Variants in PASD1 observed in about 807,000 individuals in gnomAD.
The protein encoded by PASD1 is PAS domain containing repressor 1, also known as circadian clock protein PASD1.
A neutral mutation model predicts 58.8 loss-of-function variants in PASD1; 13 were observed. The observed-to-expected ratio is 0.22, with a 90% CI of 0.14 to 0.35. PASD1 has a LOEUF of 0.35. PASD1 is among the 10% of genes least tolerant of loss of function. The pLI, the probability that PASD1 is intolerant of heterozygous loss-of-function variation, is 1.00. For missense variants in PASD1, 734 were observed against 568.3 expected (o/e 1.29, Z -2.96); for synonymous variants, 236 against 216.7 (o/e 1.09, Z -0.78).
At chrX:151,649,176 A>T (rs998357729) in intron 9 of PASD1, among the ~76,000 whole-genome samples, 7 of 111,903 alleles carry the variant, frequency 6.3e-5, no homozygotes, top group African/African-American at 2.3e-4. Context: ...ATCTGATGAA[A>T]CTCTAGACTG....
intron 1 of PASD1, among the ~76,000 whole-genome samples, chrX:151,572,372 A>C (rs1050647513): frequency 2.7e-5 from 3 of 111,550 alleles, no homozygotes; most frequent in Non-Finnish European, 5.6e-5. Context: ...AGTATTTGAA[A>C]TCACTGTAGA....
chrX:151,653,830 CCTTCCTTCCTTCCT>C (rs2014184710), intron 9 of PASD1, among the ~76,000 whole-genome samples: 1 of 27,246 alleles, frequency 3.7e-5, no homozygotes, highest in African/African-American at 8.5e-5. Context: ...TTCCTTCCTT[CCTTCCTTCCTTCCT>C]TCCCTCCCTC....
At chrX:151,582,106 C>T (rs4828627) in intron 1 of PASD1, among the ~76,000 whole-genome samples, 46,958 of 104,946 alleles carry the variant, frequency 0.45, 9,419 homozygotes, top group East Asian at 0.94. Flanking sequence ...CCTGCCTCAG[C>T]CTCCCGAATA....
intron 8 of PASD1, among the ~76,000 whole-genome samples, chrX:151,631,280 T>G (rs1310280635): frequency 9.0e-6 from 1 of 111,468 alleles, no homozygotes; most frequent in Non-Finnish European, 1.9e-5. Flanking sequence ...TCACCCAAAC[T>G]CACACAGCTG....
intron 1 of PASD1, among the ~76,000 whole-genome samples, chrX:151,569,634 A>G (rs2012898512): frequency 9.0e-6 from 1 of 111,347 alleles, no homozygotes; most frequent in African/African-American, 3.3e-5. Flanking sequence ...TTTGAAGTGT[A>G]TAGAACAGAG....
intron 1 of PASD1, among the ~76,000 whole-genome samples, chrX:151,575,625 G>A (rs764707093): frequency 7.2e-5 from 8 of 110,509 alleles, no homozygotes; most frequent in African/African-American, 2.6e-4. Flanking sequence ...TGTAAGTGGG[G>A]AAAATCTAAG....
intron 1 of PASD1, among the ~76,000 whole-genome samples, chrX:151,587,482 C>T (rs1400849917): frequency 9.0e-6 from 1 of 111,650 alleles, no homozygotes; most frequent in Non-Finnish European, 1.9e-5. Context: ...TGCACCTGTG[C>T]TCAGAATGCA....
chrX:151,631,673 T>A (rs2013868927), intron 8 of PASD1, among the ~76,000 whole-genome samples: 1 of 111,606 alleles, frequency 9.0e-6, no homozygotes, highest in African/African-American at 3.3e-5. Flanking sequence ...AGACTCCATC[T>A]GTCAGCAACT....
intron 4 of PASD1, among the ~76,000 whole-genome samples, chrX:151,614,791 T>A (rs954380121): frequency 8.9e-6 from 1 of 112,000 alleles, no homozygotes; most frequent in African/African-American, 3.2e-5. Flanking sequence ...GCCAGGCCAG[T>A]TGGCATGTTC....
chrX:151,566,147 A>G (rs1312201351), intron 1 of PASD1, among the ~76,000 whole-genome samples: 1 of 112,630 alleles, frequency 8.9e-6, no homozygotes, highest in Non-Finnish European at 1.9e-5. Flanking sequence ...GCTAAGATAC[A>G]GGGCAAAGCA....
Position 151,664,288 on chromosome X carries a change from G to C in PASD1, c.1011G>C (p.Leu337=), listed in dbSNP as rs748776303. 8.3e-7 allele frequency: 1 copy of C among 1,209,763 alleles called. No individual in the cohort carries two copies. Among genetic ancestry groups the C allele is most frequent in the Admixed American group, 2.2e-5 (1 of 45,821 alleles). Reference sequence around the variant, plus strand: ...TTGCCCCGTTGGACCAGGCAGGCCTGATGGATCCAGTGGATCCAGAGGACT... The same window carrying C: ...TTGCCCCGTTGGACCAGGCAGGCCTCATGGATCCAGTGGATCCAGAGGACT... ...NPVAPLDQAG[L]MDPVDPEDSV... is the part of the protein sequence containing the mutation. The change falls in exon 11 of 16, where the codon CTG becomes CTC. Residue 337 remains leucine, a synonymous_variant. Transcript: ENST00000370357.
At chrX:151,581,227 CAAAAAAAA>C (rs55664238) in intron 1 of PASD1, among the ~76,000 whole-genome samples, 6 of 31,497 alleles carry the variant, frequency 1.9e-4, no homozygotes, top group African/African-American at 3.1e-4. Context: ...AGCTCTGTAT[CAAAAAAAA>C]AAAAAAAAAA....
At position 151,671,586 on chromosome X, in the gene PASD1, C is replaced by T. The variant is rs1569417359; in HGVS notation, c.1244C>T (p.Thr415Ile). The T allele has an allele frequency of 5.0e-6, 6 of 1,210,800 alleles. No homozygotes were observed. Among genetic ancestry groups the T allele is most frequent in the Non-Finnish European group, 6.7e-6 (6 of 895,247 alleles). ...MMDHLQKQPNTLRHVVIPDLQ... is the reference protein window; with the variant it reads ...MMDHLQKQPNILRHVVIPDLQ... ...GTGTCCTTACAGAAGCAGCCAAACA[C>T]ATTACGCCACGTTGTCATTCCTGAT... Residue 415 changes from threonine to isoleucine, a missense_variant, in exon 13 of 16, where the codon ACA becomes ATA. Thr to Ile is a moderately conservative substitution (Grantham distance 89). Transcript: ENST00000370357.
At position 151,676,368 on chromosome X, in the gene PASD1, G is replaced by C. The variant is rs867651244; in HGVS notation, c.*225G>C. On this transcript the variant is annotated 3_prime_UTR_variant, in exon 16 of 16. Transcript: ENST00000370357. ...GCAGCCTGTGATCCGTAGTATGCTA[G>C]GGTGTGACAGCAGCCAGCCACAGCT... 1 of 325,104 alleles carries C rather than the reference G, an allele frequency of 3.1e-6. No individual in the cohort carries two copies. The highest frequency in any genetic ancestry group is 5.7e-5 in the Admixed American group (1 of 17,441). The allele number at this position is 325,104 out of a possible 1,213,427, so 26.8% of individuals were successfully genotyped here.
chrX:151,639,831 A>G (rs1393778515), intron 8 of PASD1, among the ~76,000 whole-genome samples: 2 of 112,029 alleles, frequency 1.8e-5, no homozygotes, highest in Non-Finnish European at 3.8e-5. Context: ...GAATACAGTC[A>G]TGTGTTTAGC....
chrX:151,599,999 CTGTT>C (rs1232448737), intron 1 of PASD1, among the ~76,000 whole-genome samples: 1 of 112,429 alleles, frequency 8.9e-6, no homozygotes, highest in Non-Finnish European at 1.9e-5. Flanking sequence ...GAGCGAGACT[CTGTT>C]TGCAATCCCG....
rs145131873 is a variant in PASD1 at position 151,607,520 on chromosome X, G to A, written c.117+2786G>A. On this transcript the variant is annotated intron_variant, in intron 3 of 15. Transcript: ENST00000370357. ...CAGGGAAGAAGGGAACTGAAATATA[G>A]GGTAGTTTATTACCAAGCTGGATAG... 3.9e-4 allele frequency among the ~76,000 whole-genome samples: 44 copies of A among 111,664 alleles called. 1 individual carries two copies. The East Asian group carries it at 0.012, about 30-fold the overall frequency.
At chrX:151,639,525 T>G (rs1271666185) in intron 8 of PASD1, among the ~76,000 whole-genome samples, 1 of 112,371 alleles carries the variant, frequency 8.9e-6, no homozygotes, top group Non-Finnish European at 1.9e-5. Context: ...CTACATGGAC[T>G]AAAATGTTTT....
At chrX:151,625,366 A>G (rs1033798570) in intron 7 of PASD1, 82 bp from the exon 8 acceptor site, 2 of 666,290 alleles carry the variant, frequency 3.0e-6, no homozygotes, top group Non-Finnish European at 4.6e-6. Context: ...GGATATGAGC[A>G]TGCCTCCAAA....
Sources: allele counts gnomAD v4.1 joint callset (sites outside exome capture counted in the v4.1 genomes callset), GRCh38; gene constraint gnomAD v4.1.1; transcripts MANE v1.5; gene names NCBI Gene and HGNC (gene_info 2026-07-23, HGNC 2026-07-21).